The following SYN3 variants were observed in gnomAD, a reference collection of about 807,000 sequenced individuals.
The protein encoded by SYN3 is synapsin III.
A neutral mutation model predicts 65.8 loss-of-function variants in SYN3; 35 were observed. The ratio of observed to expected loss-of-function variants is 0.53; its 90% CI spans 0.41 to 0.70. The LOEUF is 0.70. SYN3 is among the 30% of genes least tolerant of loss of function. The pLI is 0.00. For missense variants in SYN3, 680 were observed against 749.0 expected (o/e 0.91, Z 1.08); for synonymous variants, 270 against 292.9 (o/e 0.92, Z 0.80).
intron 6 of SYN3, among the ~76,000 whole-genome samples, chr22:32,708,899 C>T (rs927899557): frequency 3.3e-5 from 5 of 152,246 alleles, no homozygotes; most frequent in African/African-American, 1.2e-4. Context: ...TGCGGAAGGA[C>T]TTTTGCCGCA....
chr22:32,965,147 G>T (rs1238146821), intron 3 of SYN3, among the ~76,000 whole-genome samples: 1 of 152,090 alleles, frequency 6.6e-6, no homozygotes, highest in African/African-American at 2.4e-5. Context: ...TCTGTGGGGT[G>T]GTGATGAAAA....
rs540952330 is a variant in SYN3 at position 32,878,933 on chromosome 22, C to T, written c.462-9808G>A. ...GTCCTGCATGGCCCTTGTGACTTTT[C>T]AAAAGATACCTAAATCTGGGTATTT... On this transcript the variant is annotated intron_variant, in intron 4 of 13. Transcript: ENST00000358763. 6.6e-5 allele frequency among the ~76,000 whole-genome samples: 10 copies of T among 152,198 alleles called. No individual in the cohort carries two copies. The South Asian group carries it at 2.1e-3, about 32-fold the overall frequency.
At chr22:32,732,363 G>A (rs529534488) in intron 6 of SYN3, among the ~76,000 whole-genome samples, 69 of 152,324 alleles carry the variant, frequency 4.5e-4, no homozygotes, top group African/African-American at 1.6e-3. Flanking sequence ...TTTTCCAAAC[G>A]AAGAAGCAGA....
At chr22:32,956,876 C>T (rs549323344) in intron 3 of SYN3, among the ~76,000 whole-genome samples, 51 of 152,280 alleles carry the variant, frequency 3.3e-4, no homozygotes, top group Middle Eastern at 6.8e-3. Flanking sequence ...ACAGTGGCTG[C>T]CTCATTCTAC....
chr22:32,636,618 T>C (rs1418883832), intron 6 of SYN3, among the ~76,000 whole-genome samples: 2 of 152,148 alleles, frequency 1.3e-5, no homozygotes, highest in Non-Finnish European at 2.9e-5. Flanking sequence ...GGGATAATCA[T>C]GGCTGAACAC....
chr22:32,653,528 T>A (rs1324502011), intron 6 of SYN3, among the ~76,000 whole-genome samples: 1 of 152,082 alleles, frequency 6.6e-6, no homozygotes, highest in East Asian at 1.9e-4. Flanking sequence ...CCCAGAGTCC[T>A]TTATGGGAGG....
rs887639731 is a variant in SYN3 at position 32,998,875 on chromosome 22, TAA to T, written c.311+7475_311+7476del. 5.3e-5 allele frequency among the ~76,000 whole-genome samples: 8 copies of T among 150,174 alleles called. No individual in the cohort carries two copies. The Admixed American group carries it at 5.3e-4, about 10-fold the overall frequency. ...ACAGTGACTCTGGCATCCTGGTAAG[TAA>T]AGAGCCAAGATTTTATACAGAAGTG... On this transcript the variant is annotated intron_variant, in intron 2 of 13. Coordinates refer to ENST00000358763, the MANE Select transcript of SYN3 (RefSeq NM_003490.4).
intron 3 of SYN3, among the ~76,000 whole-genome samples, chr22:32,971,855 A>C (rs1332929099): frequency 1.3e-5 from 2 of 152,194 alleles, no homozygotes; most frequent in Non-Finnish European, 2.9e-5. Context: ...GAAGAAAAGA[A>C]AGGAAGCAGG....
intron 1 of SYN3, among the ~76,000 whole-genome samples, chr22:33,007,438 C>A (rs760967511): frequency 9.2e-5 from 14 of 152,002 alleles, no homozygotes; most frequent in Admixed American, 8.5e-4. Flanking sequence ...TACTATGGAC[C>A]GGCATGTCCC....
intron 4 of SYN3, among the ~76,000 whole-genome samples, chr22:32,878,141 C>T (rs1222357543): frequency 1.3e-5 from 2 of 152,178 alleles, no homozygotes; most frequent in East Asian, 3.9e-4. Context: ...CAGAACCTTC[C>T]ACCACCCTGA....
intron 4 of SYN3, among the ~76,000 whole-genome samples, chr22:32,928,665 T>C (rs762234106): frequency 2.0e-5 from 3 of 152,230 alleles, no homozygotes; most frequent in Non-Finnish European, 2.9e-5. Flanking sequence ...TATTTTTATT[T>C]ATCCGCTTGA....
chr22:32,776,835 T>G (rs1011199809), intron 6 of SYN3, among the ~76,000 whole-genome samples: 2 of 152,150 alleles, frequency 1.3e-5, no homozygotes, highest in Non-Finnish European at 2.9e-5. Flanking sequence ...TAGCTGGCCA[T>G]GGCAAGGCTA....
chr22:32,943,472 G>A (rs184350382), intron 3 of SYN3, among the ~76,000 whole-genome samples: 174 of 152,282 alleles, frequency 1.1e-3, no homozygotes, highest in African/African-American at 4.0e-3. Flanking sequence ...GGAACAACCG[G>A]TACATCTGGC....
At chr22:32,952,552 C>T (rs532942404) in intron 3 of SYN3, among the ~76,000 whole-genome samples, 71 of 151,918 alleles carry the variant, frequency 4.7e-4, no homozygotes, top group Non-Finnish European at 8.8e-4. Flanking sequence ...CCCAGGAGTT[C>T]GAGACCAGCC....
intron 6 of SYN3, among the ~76,000 whole-genome samples, chr22:32,779,786 A>C (rs954632274): frequency 1.2e-4 from 18 of 152,088 alleles, no homozygotes; most frequent in African/African-American, 4.1e-4. Flanking sequence ...TACTACCGTG[A>C]TGTCCTTGCT....
At chr22:32,599,324 CTTT>C (rs58109238) in intron 6 of SYN3, among the ~76,000 whole-genome samples, 5 of 144,006 alleles carry the variant, frequency 3.5e-5, no homozygotes, top group Non-Finnish European at 4.6e-5. Flanking sequence ...CCCTGATGTA[CTTT>C]TTTTTTTTTT....
At chr22:32,974,969 C>T (rs928335904) in intron 3 of SYN3, among the ~76,000 whole-genome samples, 2 of 152,156 alleles carry the variant, frequency 1.3e-5, no homozygotes, top group Non-Finnish European at 2.9e-5. Context: ...TTCAGTCTAT[C>T]TTACTCTGGA....
chr22:32,607,415 C>G (rs766736431), intron 6 of SYN3, among the ~76,000 whole-genome samples: 8 of 152,138 alleles, frequency 5.3e-5, no homozygotes, highest in Non-Finnish European at 8.8e-5. Flanking sequence ...CTGCCACCAC[C>G]CGCCCAGGTG....
At chr22:32,588,062 G>A (rs1177454567) in intron 7 of SYN3, among the ~76,000 whole-genome samples, 2 of 152,156 alleles carry the variant, frequency 1.3e-5, no homozygotes, top group East Asian at 3.8e-4. Context: ...TATACATATA[G>A]CACTGAGAAC....
Sources: allele counts gnomAD v4.1 joint callset (sites outside exome capture counted in the v4.1 genomes callset), GRCh38; gene constraint gnomAD v4.1.1; transcripts MANE v1.5; gene names NCBI Gene and HGNC (gene_info 2026-07-23, HGNC 2026-07-21).